Variants in DOCK9 observed in about 807,000 individuals in gnomAD.
DOCK9 encodes the protein dedicator of cytokinesis protein 9.
Under a neutral mutation model 263.3 loss-of-function variants are expected in DOCK9, and 89 were observed. The ratio of observed to expected loss-of-function variants is 0.34; its 90% CI spans 0.28 to 0.40. The LOEUF (loss-of-function observed/expected upper bound fraction) is 0.40, where lower values mean the gene tolerates loss of function less well. Ranked by LOEUF, DOCK9 falls within the 10% of genes least tolerant of loss-of-function variation. The probability of loss-of-function intolerance (pLI) is 1.00; values close to 1 mark genes in which losing one functional copy is unlikely to be tolerated. For missense variants in DOCK9, 2,140 were observed against 2,603.4 expected (o/e 0.82, Z 3.87); for synonymous variants, 976 against 973.1 (o/e 1.00, Z -0.06).
rs1168924945 is a variant in DOCK9 at position 98,809,109 on chromosome 13, GA to G, written c.5367+242del. 2.6e-6 allele frequency: 4 copies of G among 1,543,878 alleles called. No individual in the cohort carries two copies. The South Asian group carries it at 4.9e-5, about 19-fold the overall frequency. On this transcript the variant is annotated intron_variant, in intron 47 of 52. Transcript: ENST00000682017. The stretch of plus-strand genomic sequence containing the variant: ...AAGATGTTGCTAAGAATGTCTTAAG[GA>G]GGAAGAACTTACCGCTGCCTTAAGA...
chr13:98,831,564 A>G, intron 40 of DOCK9, 34 bp from the exon 41 acceptor site: 4 of 1,589,250 alleles, frequency 2.5e-6, no homozygotes, highest in Non-Finnish European at 3.4e-6. Flanking sequence ...CAGATAAACC[A>G]CAGACAGGTC....
intron 1 of DOCK9, among the ~76,000 whole-genome samples, chr13:99,046,264 T>C (rs554125659): frequency 5.1e-4 from 78 of 152,008 alleles, no homozygotes; most frequent in Non-Finnish European, 8.0e-4. Flanking sequence ...ATATCTTCAC[T>C]TGGAAGGTGG....
intron 2 of DOCK9, chr13:98,950,531 A>G (rs1229571779): frequency 2.8e-6 from 1 of 352,742 alleles, no homozygotes; most frequent in Non-Finnish European, 5.1e-6. Context: ...TTGAACTTCT[A>G]GGCTTAAGCA....
intron 1 of DOCK9, among the ~76,000 whole-genome samples, chr13:99,039,828 A>G (rs1047741372): frequency 6.6e-6 from 1 of 152,158 alleles, no homozygotes; most frequent in African/African-American, 2.4e-5. Flanking sequence ...TTCTGATAGC[A>G]CTGAGGGTGG....
rs1333177274 is a variant in DOCK9 at position 98,883,235 on chromosome 13, T to C, written c.2470-104A>G. 6.2e-6 allele frequency: 6 copies of C among 960,994 alleles called. No homozygotes were observed. In the African/African-American group the frequency reaches 1.0e-4, roughly 16 times the overall value. The allele number at this position is 960,994 out of a possible 1,614,324, so 59.5% of individuals were successfully genotyped here. On this transcript the variant is annotated intron_variant, in intron 22 of 52. Transcript: ENST00000682017. ...AGCATGCTTTTTTGCTGTATGTTGT[T>C]GTTGTTGTTGTTGTTGTTGCTGTTT... is the stretch of plus-strand genomic sequence containing the variant.
intron 2 of DOCK9, among the ~76,000 whole-genome samples, chr13:98,943,886 T>C (rs1215155805): frequency 6.6e-6 from 1 of 152,206 alleles, no homozygotes; most frequent in African/African-American, 2.4e-5. Context: ...ATATACTTCA[T>C]AAATTTCCAT....
chr13:98,932,989 A>T (rs2054209225), intron 2 of DOCK9, among the ~76,000 whole-genome samples: 1 of 152,218 alleles, frequency 6.6e-6, no homozygotes, highest in Non-Finnish European at 1.5e-5. Context: ...GCTACAAAGC[A>T]ATATACTGTA....
At chr13:99,078,780 G>A (rs1407186213) in intron 1 of DOCK9, among the ~76,000 whole-genome samples, 1 of 152,176 alleles carries the variant, frequency 6.6e-6, no homozygotes, top group African/African-American at 2.4e-5. Flanking sequence ...TTCGCTCTGA[G>A]GGCTCCAATT....
At chr13:99,075,282 CTTAT>C in intron 1 of DOCK9, among the ~76,000 whole-genome samples, 1 of 151,010 alleles carries the variant, frequency 6.6e-6, no homozygotes, top group African/African-American at 2.4e-5. Flanking sequence ...TTACAATACA[CTTAT>C]TTTTTTAATC....
intron 2 of DOCK9, among the ~76,000 whole-genome samples, chr13:98,932,588 T>C (rs570260885): frequency 3.9e-4 from 59 of 152,312 alleles, no homozygotes; most frequent in African/African-American, 1.4e-3. Flanking sequence ...TGGCTTTGGG[T>C]CAAACCTCTG....
chr13:98,992,394 T>C (rs747707598), intron 1 of DOCK9, among the ~76,000 whole-genome samples: 12 of 152,178 alleles, frequency 7.9e-5, no homozygotes, highest in Non-Finnish European at 1.8e-4. Context: ...GGAGCTACCA[T>C]GAGCCTCCCC....
chr13:98,816,192 T>A (rs896707337), intron 45 of DOCK9, among the ~76,000 whole-genome samples: 4 of 152,166 alleles, frequency 2.6e-5, no homozygotes, highest in Non-Finnish European at 4.4e-5. Context: ...TTTTACCAAA[T>A]GTGAAGGGCA....
intron 27 of DOCK9, among the ~76,000 whole-genome samples, chr13:98,876,589 T>C (rs1035794951): frequency 6.6e-6 from 1 of 152,222 alleles, no homozygotes; most frequent in Non-Finnish European, 1.5e-5. Flanking sequence ...GAATGGTGAA[T>C]ATTCATAAAT....
At chr13:98,998,396 C>G (rs1356494306) in intron 1 of DOCK9, among the ~76,000 whole-genome samples, 1 of 152,180 alleles carries the variant, frequency 6.6e-6, no homozygotes, top group African/African-American at 2.4e-5. Flanking sequence ...TGGGAAACAC[C>G]TGGCACCAAT....
intron 2 of DOCK9, among the ~76,000 whole-genome samples, chr13:98,944,433 A>T (rs1428230380): frequency 3.3e-5 from 5 of 151,972 alleles, no homozygotes; most frequent in African/African-American, 1.2e-4. Flanking sequence ...AGGAAAAAAA[A>T]AATAAAGAAA....
intron 1 of DOCK9, among the ~76,000 whole-genome samples, chr13:98,985,874 C>T (rs1265018682): frequency 6.6e-6 from 1 of 152,202 alleles, no homozygotes; most frequent in African/African-American, 2.4e-5. Flanking sequence ...ACACAGTAGG[C>T]AATCCATAAA....
chr13:98,985,953 T>C (rs1878357991), intron 1 of DOCK9, among the ~76,000 whole-genome samples: 1 of 152,242 alleles, frequency 6.6e-6, no homozygotes, highest in African/African-American at 2.4e-5. Context: ...GTTCACAAGC[T>C]AGAATTTTCT....
At chr13:98,937,061 TC>T (rs2054970819) in intron 2 of DOCK9, among the ~76,000 whole-genome samples, 1 of 152,180 alleles carries the variant, frequency 6.6e-6, no homozygotes, top group Non-Finnish European at 1.5e-5. Context: ...AAAAGATAGG[TC>T]TATATCCACT....
chr13:98,849,274 T>A (rs1322050322), intron 36 of DOCK9, among the ~76,000 whole-genome samples: 1 of 152,084 alleles, frequency 6.6e-6, no homozygotes, highest in Admixed American at 6.5e-5. Flanking sequence ...CAGTCTCTCA[T>A]CTGTAGTTCC....
Sources: gnomAD v4.1 joint callset for allele counts (sites outside exome capture counted in the v4.1 genomes callset) on GRCh38, gnomAD v4.1.1 for gene constraint, MANE v1.5 for transcripts, NCBI Gene and HGNC (gene_info 2026-07-23, HGNC 2026-07-21) for gene names.